Variants in SLC14A2 observed in about 807,000 individuals in gnomAD.
SLC14A2 encodes solute carrier family 14 member 2.
SLC14A2 carries 91 observed loss-of-function variants against 104.6 expected under a neutral mutation model. That is an observed-to-expected ratio of 0.87 (90% CI 0.73 to 1.04). The LOEUF (loss-of-function observed/expected upper bound fraction) is 1.04, where lower values mean the gene tolerates loss of function less well. Ranked by LOEUF, SLC14A2 falls within the 50% of genes least tolerant of loss-of-function variation. The probability of loss-of-function intolerance (pLI) is 0.00; values close to 1 mark genes in which losing one functional copy is unlikely to be tolerated. For synonymous variants in SLC14A2, 476 were observed against 466.4 expected, an observed-to-expected ratio of 1.02 and a Z score of -0.27; for missense variants, 1,189 against 1,156.0, an observed-to-expected ratio of 1.03 and a Z score of -0.41.
intron 10 of SLC14A2, among the ~76,000 whole-genome samples, chr18:45,657,675 TTATC>T (rs2144605934): frequency 6.6e-6 from 1 of 152,192 alleles, no homozygotes; most frequent in African/African-American, 2.4e-5. Flanking sequence ...CACCTATGTC[TTATC>T]TACACTCAGC....
chr18:45,355,158 A>G (rs2085539930), intron 1 of SLC14A2, among the ~76,000 whole-genome samples: 1 of 152,158 alleles, frequency 6.6e-6, no homozygotes, highest in Non-Finnish European at 1.5e-5. Context: ...AATGGGGACA[A>G]TCATAATTGA....
chr18:45,351,306 T>G (rs1397652305), intron 1 of SLC14A2, among the ~76,000 whole-genome samples: 15 of 151,908 alleles, frequency 9.9e-5, no homozygotes. Flanking sequence ...CCAAATAGCC[T>G]CATTTTTTTC....
intron 2 of SLC14A2, among the ~76,000 whole-genome samples, chr18:45,499,462 C>G (rs1016340513): frequency 2.6e-5 from 4 of 152,198 alleles, no homozygotes; most frequent in African/African-American, 7.2e-5. Context: ...GGATTCTCAT[C>G]CAGTTTTCAC....
intron 2 of SLC14A2, among the ~76,000 whole-genome samples, chr18:45,495,502 G>A (rs1184354810): frequency 6.6e-6 from 1 of 152,134 alleles, no homozygotes; most frequent in Non-Finnish European, 1.5e-5. Context: ...GCAAGGTGAG[G>A]GGTTGAAGCC....
At chr18:45,635,290 A>G (rs2045401703) in intron 5 of SLC14A2, among the ~76,000 whole-genome samples, 1 of 152,242 alleles carries the variant, frequency 6.6e-6, no homozygotes, top group Non-Finnish European at 1.5e-5. Flanking sequence ...ACTAAAGGCT[A>G]TCACCCAACA....
chr18:45,399,436 T>C (rs1270917959), intron 1 of SLC14A2, among the ~76,000 whole-genome samples: 1 of 152,126 alleles, frequency 6.6e-6, no homozygotes, highest in Non-Finnish European at 1.5e-5. Context: ...TTTGAGTTTG[T>C]CTCCAGTTCT....
At chr18:45,187,744 C>T in the SLC14A2 span, among the ~76,000 whole-genome samples, 1 of 149,738 alleles carries the variant, frequency 6.7e-6, no homozygotes, top group Non-Finnish European at 1.5e-5. Context: ...TACTCCCTTC[C>T]CTGATTTCTG....
intron 1 of SLC14A2, among the ~76,000 whole-genome samples, chr18:45,441,052 G>A (rs920718955): frequency 6.6e-6 from 1 of 152,136 alleles, no homozygotes; most frequent in African/African-American, 2.4e-5. Flanking sequence ...GAGCTGAACT[G>A]TGGATTTGAA....
At chr18:45,330,424 G>A (rs74654773) in intron 1 of SLC14A2, among the ~76,000 whole-genome samples, 2,922 of 152,308 alleles carry the variant, frequency 0.019, 41 homozygotes, top group South Asian at 0.04. Flanking sequence ...ACGGCCTTCT[G>A]ATGGGAGGCT....
At chr18:45,305,681 G>T (rs939195403) in intron 1 of SLC14A2, among the ~76,000 whole-genome samples, 1 of 152,096 alleles carries the variant, frequency 6.6e-6, no homozygotes, top group Non-Finnish European at 1.5e-5. Context: ...TTTATTAATT[G>T]CTGTGTGTAG....
intron 1 of SLC14A2, among the ~76,000 whole-genome samples, chr18:45,310,840 G>A (rs1337812607): frequency 2.6e-5 from 4 of 152,174 alleles, no homozygotes; most frequent in Admixed American, 2.0e-4. Context: ...GGGTACAGCA[G>A]GCCAAATGCC....
At chr18:45,414,757 A>AAAATATATATATAT (rs1360051908) in intron 1 of SLC14A2, among the ~76,000 whole-genome samples, 11 of 76,106 alleles carry the variant, frequency 1.4e-4, no homozygotes, top group South Asian at 3.7e-4. Context: ...AAAAAAAAAA[A>AAAATATATATATAT]ATATATATAT....
intron 1 of SLC14A2, among the ~76,000 whole-genome samples, chr18:45,467,560 C>A (rs1199251955): frequency 6.6e-6 from 1 of 152,274 alleles, no homozygotes; most frequent in East Asian, 1.9e-4. Flanking sequence ...GTTGAGGTTC[C>A]ATCTGTACTC....
At chr18:45,667,566 T>G (rs9953176) in intron 13 of SLC14A2, among the ~76,000 whole-genome samples, 122,376 of 152,120 alleles carry the variant, frequency 0.8, 49,739 homozygotes, top group Middle Eastern at 0.84. Context: ...ACCACAGGGG[T>G]CAGAGGCAGC....
the SLC14A2 span, among the ~76,000 whole-genome samples, chr18:45,201,622 A>G: frequency 2.0e-5 from 3 of 151,534 alleles, no homozygotes; most frequent in African/African-American, 4.8e-5. Context: ...CTCTATGCTC[A>G]TTTTGTATAT....
intron 1 of SLC14A2, among the ~76,000 whole-genome samples, chr18:45,444,649 T>C (rs2086734322): frequency 6.6e-6 from 1 of 152,252 alleles, no homozygotes; most frequent in African/African-American, 2.4e-5. Context: ...AATTAGGCTA[T>C]TTGATTAAGC....
At chr18:45,641,155 G>A (rs889526791) in intron 7 of SLC14A2, 54 bp from the exon 8 acceptor site, 3 of 1,593,538 alleles carry the variant, frequency 1.9e-6, no homozygotes, top group Admixed American at 1.7e-5. Context: ...GTCCCAGGGT[G>A]GTCTTTGTTC....
At chr18:45,593,163 A>G (rs1340455389) in intron 2 of SLC14A2, among the ~76,000 whole-genome samples, 3 of 151,896 alleles carry the variant, frequency 2.0e-5, no homozygotes, top group Admixed American at 2.0e-4. Flanking sequence ...TAAAAATACG[A>G]AAAAATTAGC....
chr18:45,287,806 T>C, intron 1 of SLC14A2, among the ~76,000 whole-genome samples: 1 of 151,808 alleles, frequency 6.6e-6, no homozygotes, highest in East Asian at 1.9e-4. Flanking sequence ...TACCACCGAG[T>C]CCTCTCCCTC....
Sources: allele counts gnomAD v4.1 joint callset (sites outside exome capture counted in the v4.1 genomes callset), GRCh38; gene constraint gnomAD v4.1.1; transcripts MANE v1.5; gene names NCBI Gene and HGNC (gene_info 2026-07-23, HGNC 2026-07-21).